COL5A2: variants seen among roughly 807,000 people sequenced by gnomAD.
COL5A2 encodes the protein collagen alpha-2(V) chain.
Under a neutral mutation model 208.2 loss-of-function variants are expected in COL5A2, and 23 were observed. The observed-to-expected ratio is 0.11, with a 90% CI of 0.08 to 0.16. The LOEUF (loss-of-function observed/expected upper bound fraction) is 0.16. Ranked by LOEUF, COL5A2 falls within the 10% of genes least tolerant of loss-of-function variation. COL5A2 has a pLI of 1.00. For missense variants in COL5A2, 1,590 were observed against 1,956.4 expected (o/e 0.81, Z 3.53); for synonymous variants, 625 against 628.5 (o/e 0.99, Z 0.08).
the COL5A2 span, among the ~76,000 whole-genome samples, chr2:189,351,481 A>G: frequency 6.6e-6 from 1 of 152,186 alleles, no homozygotes; most frequent in African/African-American, 2.4e-5. Context: ...TAATAACATC[A>G]AAAATCTCCA....
At chr2:189,057,570 CT>C in intron 33 of COL5A2, 143 bp from the exon 34 acceptor site, 1 of 668,724 alleles carries the variant, frequency 1.5e-6, no homozygotes, top group East Asian at 2.7e-5. Flanking sequence ...AGAAAGTTGT[CT>C]CTGAGTGAGT....
At chr2:189,295,905 T>G in the COL5A2 span, among the ~76,000 whole-genome samples, 1 of 152,340 alleles carries the variant, frequency 6.6e-6, no homozygotes, top group South Asian at 2.1e-4. Flanking sequence ...ACAGAACATT[T>G]TCATCATCTT....
chr2:189,080,791 T>A (rs1326272004), intron 13 of COL5A2, among the ~76,000 whole-genome samples, 199 bp downstream of exon 13: 2 of 152,204 alleles, frequency 1.3e-5, no homozygotes, highest in Admixed American at 1.3e-4. Flanking sequence ...ATTCAAAATA[T>A]ATTTCTTTAT....
chr2:189,069,667 C>T (rs1180133850), intron 18 of COL5A2, among the ~76,000 whole-genome samples: 1 of 152,102 alleles, frequency 6.6e-6, no homozygotes, highest in Non-Finnish European at 1.5e-5. Flanking sequence ...CAAGATTAGA[C>T]AATAGTTTTC....
the COL5A2 span, among the ~76,000 whole-genome samples, chr2:189,433,367 C>T: frequency 3.9e-5 from 6 of 152,010 alleles, no homozygotes; most frequent in Non-Finnish European, 7.4e-5. Flanking sequence ...CACAAAAGAC[C>T]CTTCAAAAAA....
At chr2:189,097,714 T>C in intron 5 of COL5A2, 1 of 466,978 alleles carries the variant, frequency 2.1e-6, no homozygotes. Context: ...ATTACATAAA[T>C]GTGCAAAATA....
rs113462384 is a variant in COL5A2 at position 189,047,838 on chromosome 2, G to A, written c.3201+371C>T. Among the ~76,000 whole-genome samples, 100 of 152,268 alleles carry A rather than the reference G, an allele frequency of 6.6e-4. 2 individuals carry two copies. Among genetic ancestry groups the A allele is most frequent in the African/African-American group, 2.1e-3 (88 of 41,552 alleles). On this transcript the variant is annotated intron_variant, in intron 45 of 53. Coordinates refer to ENST00000374866, the MANE Select transcript of COL5A2 (RefSeq NM_000393.5). ...AGCCACATGGCTTATATTCTCATACGGCATTCACTTTAGATGGTGAATGGA... is the reference window on the plus strand; with the variant it reads ...AGCCACATGGCTTATATTCTCATACAGCATTCACTTTAGATGGTGAATGGA...
intron 1 of COL5A2, among the ~76,000 whole-genome samples, chr2:189,169,311 C>T (rs1032678528): frequency 7.2e-5 from 11 of 152,108 alleles, no homozygotes; most frequent in African/African-American, 2.7e-4. Flanking sequence ...ACACTGGGAA[C>T]CAGCACAAAG....
chr2:189,229,451 A>C (rs982969286), upstream of COL5A2, among the ~76,000 whole-genome samples: 16 of 151,224 alleles, frequency 1.1e-4, no homozygotes, highest in African/African-American at 3.2e-4. Flanking sequence ...CAAAAAAAAA[A>C]CCTATTAGAT....
intron 36 of COL5A2, 66 bp from the exon 37 acceptor site, chr2:189,054,014 T>C: frequency 1.3e-6 from 2 of 1,507,434 alleles, no homozygotes; most frequent in Non-Finnish European, 9.2e-7. Flanking sequence ...AGGACATTGG[T>C]CACTGTGTAG....
the COL5A2 span, among the ~76,000 whole-genome samples, chr2:189,292,969 C>T: frequency 3.3e-5 from 5 of 152,004 alleles, no homozygotes; most frequent in Non-Finnish European, 7.4e-5. Context: ...ATGGATGAAA[C>T]TAGAAATCAT....
intron 1 of COL5A2, among the ~76,000 whole-genome samples, chr2:189,154,539 C>T (rs1246748302): frequency 6.6e-6 from 1 of 152,176 alleles, no homozygotes; most frequent in Non-Finnish European, 1.5e-5. Flanking sequence ...TGCTGGTTTC[C>T]CTCTTCCCTC....
In COL5A2 at chr2:189,101,975, T is replaced by A. The variant is rs541975829; in HGVS notation, c.337-1836A>T. 5.3e-5 allele frequency among the ~76,000 whole-genome samples: 8 copies of A among 152,142 alleles called. No individual in the cohort carries two copies. In the South Asian group the frequency reaches 1.7e-3, roughly 32 times the overall value. On this transcript the variant is annotated intron_variant, in intron 3 of 53. Transcript: ENST00000374866. ...ACTAACTTCTAGAGTCTTTCTATTT[T>A]AAAAAATACAAAAATAATAAAATTT...
chr2:189,117,851 A>C (rs1322472584), intron 1 of COL5A2, among the ~76,000 whole-genome samples: 1 of 152,046 alleles, frequency 6.6e-6, no homozygotes, highest in African/African-American at 2.4e-5. Context: ...AACACATATA[A>C]TTTATTTTGC....
chr2:189,144,872 T>C lies in COL5A2; in HGVS notation c.98-34423A>G, dbSNP rs10168625. ...GCTTCATATCTTTTAGAAAGGAAAT[T>C]ACATTCTACAGAAGAGGAACTCAAC... On this transcript the variant is annotated intron_variant, in intron 1 of 53. Transcript: ENST00000374866. Among the ~76,000 whole-genome samples the C allele has an allele frequency of 3.4e-3, 513 of 152,174 alleles. 3 individuals are homozygous for C. The highest frequency in any genetic ancestry group is 0.012 in the African/African-American group (485 of 41,530).
At chr2:189,158,220 G>A (rs1210940851) in intron 1 of COL5A2, among the ~76,000 whole-genome samples, 1 of 151,872 alleles carries the variant, frequency 6.6e-6, no homozygotes, top group Non-Finnish European at 1.5e-5. Flanking sequence ...GGTTATTTAG[G>A]TTAAAAACCA....
the COL5A2 span, among the ~76,000 whole-genome samples, chr2:189,262,032 T>C: frequency 6.6e-6 from 1 of 152,204 alleles, no homozygotes; most frequent in Non-Finnish European, 1.5e-5. Context: ...CAATATTACT[T>C]TCTAAGAATT....
chr2:189,036,486 A>C (rs1031457044), intron 52 of COL5A2, 130 bp downstream of exon 52: 3 of 708,872 alleles, frequency 4.2e-6, no homozygotes, highest in Admixed American at 5.1e-5. Flanking sequence ...TAATGAGACT[A>C]TATCACTTCA....
At chr2:189,190,764 C>A (rs1344176124) in intron 1 of COL5A2, among the ~76,000 whole-genome samples, 1 of 152,170 alleles carries the variant, frequency 6.6e-6, no homozygotes. Context: ...ACTTATTCAT[C>A]CTAATATGCT....
Sources: gnomAD v4.1 joint callset for allele counts (sites outside exome capture counted in the v4.1 genomes callset) on GRCh38, gnomAD v4.1.1 for gene constraint, MANE v1.5 for transcripts, NCBI Gene and HGNC (gene_info 2026-07-23, HGNC 2026-07-21) for gene names.